PRKAR2B: variants seen among roughly 807,000 people sequenced by gnomAD.
PRKAR2B encodes the protein protein kinase cAMP-dependent type II regulatory subunit beta.
In PRKAR2B, 14 loss-of-function variants were observed where a neutral mutation model predicts 49.9. The observed-to-expected ratio is 0.28, with a 90% confidence interval of 0.19 to 0.44. The LOEUF (loss-of-function observed/expected upper bound fraction) is 0.44. Ranked by LOEUF, PRKAR2B falls within the 20% of genes least tolerant of loss-of-function variation. The probability of loss-of-function intolerance (pLI) is 1.00; values close to 1 mark genes in which losing one functional copy is unlikely to be tolerated. For missense variants in PRKAR2B, 393 were observed against 537.9 expected (o/e 0.73, Z 2.67); for synonymous variants, 196 against 197.7 (o/e 0.99, Z 0.07).
At chr7:107,059,340 G>A (rs1369581055) in intron 1 of PRKAR2B, among the ~76,000 whole-genome samples, 2 of 151,796 alleles carry the variant, frequency 1.3e-5, no homozygotes, top group Non-Finnish European at 2.9e-5. Context: ...GGCCCCTCGT[G>A]TACTCTCTCC....
At chr7:107,092,013 T>G (rs1304022349) in intron 2 of PRKAR2B, 1 of 151,982 alleles carries the variant, frequency 6.6e-6, no homozygotes, top group Non-Finnish European at 1.5e-5. Flanking sequence ...TTTTTATAGG[T>G]GGGAATGGGT....
At chr7:107,147,048 A>G (rs530826053) in intron 6 of PRKAR2B, among the ~76,000 whole-genome samples, 1 of 150,328 alleles carries the variant, frequency 6.7e-6, no homozygotes, top group East Asian at 2.0e-4. Flanking sequence ...GGCTGTGCTC[A>G]TGTGCCCCAC....
chr7:107,046,426 G>T (rs530870859), intron 1 of PRKAR2B, among the ~76,000 whole-genome samples: 2 of 152,244 alleles, frequency 1.3e-5, no homozygotes, highest in East Asian at 1.9e-4. Flanking sequence ...TTCTTTGCAG[G>T]ATTACATGTT....
intron 4 of PRKAR2B, among the ~76,000 whole-genome samples, chr7:107,137,908 G>A (rs1331103515): frequency 6.6e-6 from 1 of 151,560 alleles, no homozygotes; most frequent in Non-Finnish European, 1.5e-5. Context: ...TTTCATCCTA[G>A]TGTGGGGATT....
At chr7:107,104,339 C>T (rs777367195) in intron 2 of PRKAR2B, among the ~76,000 whole-genome samples, 5 of 152,138 alleles carry the variant, frequency 3.3e-5, no homozygotes, top group Non-Finnish European at 5.9e-5. Context: ...CTGCCCTCCT[C>T]GCCTCAAAAA....
chr7:107,104,970 C>T (rs1048344798), intron 2 of PRKAR2B, among the ~76,000 whole-genome samples: 2 of 152,104 alleles, frequency 1.3e-5, no homozygotes, highest in Non-Finnish European at 2.9e-5. Flanking sequence ...TCTCTGTTCC[C>T]CATTTGATTT....
intron 4 of PRKAR2B, among the ~76,000 whole-genome samples, chr7:107,134,996 A>T (rs938461770): frequency 6.6e-6 from 1 of 152,194 alleles, no homozygotes; most frequent in African/African-American, 2.4e-5. Context: ...CACAGATGTA[A>T]CATTTTTGTA....
At chr7:107,132,626 C>G (rs962538600) in intron 4 of PRKAR2B, among the ~76,000 whole-genome samples, 1 of 151,772 alleles carries the variant, frequency 6.6e-6, no homozygotes, top group African/African-American at 2.4e-5. Context: ...TAGTTGGGGA[C>G]TGAAGGAAAG....
chr7:107,111,955 C>T (rs1795180879), intron 2 of PRKAR2B, among the ~76,000 whole-genome samples: 1 of 136,766 alleles, frequency 7.3e-6, no homozygotes, highest in Non-Finnish European at 1.5e-5. Flanking sequence ...TTGCTTGAGC[C>T]GAGGAATTCA....
intron 2 of PRKAR2B, among the ~76,000 whole-genome samples, chr7:107,089,609 T>C (rs1259062320): frequency 1.3e-5 from 2 of 152,240 alleles, no homozygotes; most frequent in Admixed American, 1.3e-4. Context: ...GCAGGGTACA[T>C]GCATCATTTT....
chr7:107,091,777 T>C (rs1205773821), intron 2 of PRKAR2B: 1 of 152,200 alleles, frequency 6.6e-6, no homozygotes, highest in Non-Finnish European at 1.5e-5. Flanking sequence ...TGGCTTCCTA[T>C]GGGATTTTCA....
intron 2 of PRKAR2B, among the ~76,000 whole-genome samples, chr7:107,089,642 A>G (rs762647398): frequency 6.6e-6 from 1 of 152,274 alleles, no homozygotes; most frequent in African/African-American, 2.4e-5. Flanking sequence ...AAAGCTATTT[A>G]TAAAGAAATA....
chr7:107,081,789 C>A (rs1258327514), intron 2 of PRKAR2B: 4 of 152,074 alleles, frequency 2.6e-5, no homozygotes, highest in African/African-American at 4.8e-5. Flanking sequence ...AAAGAAGGGG[C>A]CTTTCACTTG....
Position 107,137,836 on chromosome 7 carries a change from C to A in PRKAR2B, c.481-3011C>A, listed in dbSNP as rs188198100. On this transcript the variant is annotated intron_variant, in intron 4 of 10. Transcript: ENST00000265717. ...GTAACTTTTCATGTTTTTAAGAATC[C>A]TCCTTTCTCTTTTCTGGAAGCTTTG... is the stretch of plus-strand genomic sequence containing the variant. Among the ~76,000 whole-genome samples the A allele has an allele frequency of 1.6e-3, 240 of 152,040 alleles. 1 individual carries two copies. The highest frequency in any genetic ancestry group is 5.6e-3 in the African/African-American group (231 of 41,474).
At chr7:107,110,183 C>G (rs903525918) in intron 2 of PRKAR2B, among the ~76,000 whole-genome samples, 4 of 152,158 alleles carry the variant, frequency 2.6e-5, no homozygotes, top group African/African-American at 7.2e-5. Flanking sequence ...CAAAAGCAAA[C>G]TAACTCAGCT....
chr7:107,071,301 A>G (rs1414845027), intron 2 of PRKAR2B, among the ~76,000 whole-genome samples: 1 of 152,204 alleles, frequency 6.6e-6, no homozygotes, highest in Non-Finnish European at 1.5e-5. Context: ...AGACATTTTA[A>G]TGTTGAATTT....
At chr7:107,053,564 G>A (rs1793851781) in intron 1 of PRKAR2B, among the ~76,000 whole-genome samples, 1 of 148,252 alleles carries the variant, frequency 6.7e-6, no homozygotes, top group Non-Finnish European at 1.5e-5. Context: ...GTGTGTGTGT[G>A]TGTGTCTTTT....
chr7:107,065,645 T>C (rs556263785), intron 1 of PRKAR2B, among the ~76,000 whole-genome samples: 1 of 152,288 alleles, frequency 6.6e-6, no homozygotes, highest in Non-Finnish European at 1.5e-5. Flanking sequence ...AGGGACTCTC[T>C]TACAATTCCA....
At chr7:107,094,820 A>T (rs958846858) in intron 2 of PRKAR2B, among the ~76,000 whole-genome samples, 2 of 151,984 alleles carry the variant, frequency 1.3e-5, no homozygotes, top group African/African-American at 4.8e-5. Context: ...ATGGTTGTAG[A>T]TGTGTGGTAT....
Sources: gnomAD v4.1 joint callset for allele counts (sites outside exome capture counted in the v4.1 genomes callset) on GRCh38, gnomAD v4.1.1 for gene constraint, MANE v1.5 for transcripts, NCBI Gene and HGNC (gene_info 2026-07-23, HGNC 2026-07-21) for gene names.